Variants in COX10 observed in about 807,000 individuals in gnomAD.
COX10 encodes the protein protoheme IX farnesyltransferase, mitochondrial.
COX10 carries 27 observed loss-of-function variants against 37.3 expected under a neutral mutation model. The ratio of observed to expected loss-of-function variants is 0.72; its 90% confidence interval spans 0.53 to 1.00. COX10 has a LOEUF of 1.00. Ranked by LOEUF, COX10 falls within the 50% of genes least tolerant of loss-of-function variation. The probability of loss-of-function intolerance (pLI) is 0.00; values close to 1 mark genes in which losing one functional copy is unlikely to be tolerated. For missense variants in COX10, 475 were observed against 563.2 expected (o/e 0.84, Z 1.59); for synonymous variants, 222 against 229.1 (o/e 0.97, Z 0.28).
intron 5 of COX10, among the ~76,000 whole-genome samples, chr17:14,186,891 G>A (rs898694198): frequency 6.6e-6 from 1 of 151,942 alleles, no homozygotes; most frequent in African/African-American, 2.4e-5. Flanking sequence ...CTGAGTATAG[G>A]TCCTGTTTCC....
intron 3 of COX10, among the ~76,000 whole-genome samples, chr17:14,087,856 A>G (rs1915446225): frequency 6.6e-6 from 1 of 151,980 alleles, no homozygotes; most frequent in Admixed American, 6.6e-5. Context: ...CAGTGTGCCA[A>G]AGTATGGTGG....
intron 4 of COX10, among the ~76,000 whole-genome samples, chr17:14,105,248 T>C (rs1399948206): frequency 6.6e-6 from 1 of 152,206 alleles, no homozygotes; most frequent in African/African-American, 2.4e-5. Flanking sequence ...TACATTTTAA[T>C]GGTGAGATGA....
chr17:14,088,749 G>T (rs1409809907), intron 3 of COX10, among the ~76,000 whole-genome samples: 3 of 152,178 alleles, frequency 2.0e-5, no homozygotes, highest in Non-Finnish European at 4.4e-5. Context: ...GGATTCTGAG[G>T]TTAGGAGTCT....
intron 6 of COX10, among the ~76,000 whole-genome samples, chr17:14,199,904 A>G (rs1397861923): frequency 2.6e-5 from 4 of 152,196 alleles, no homozygotes; most frequent in African/African-American, 9.7e-5. Flanking sequence ...CCCAGTCTAC[A>G]TAACCACATA....
intron 3 of COX10, among the ~76,000 whole-genome samples, chr17:14,096,812 G>C (rs781311750): frequency 2.6e-5 from 4 of 152,086 alleles, no homozygotes; most frequent in Admixed American, 6.6e-5. Flanking sequence ...TAGTAGTCAG[G>C]ACCATCTTTA....
intron 3 of COX10, among the ~76,000 whole-genome samples, chr17:14,098,679 C>T (rs952307800): frequency 5.3e-5 from 8 of 152,134 alleles, no homozygotes; most frequent in African/African-American, 1.2e-4. Flanking sequence ...AGAGACTGTT[C>T]GTTCCCCATT....
At chr17:14,192,302 T>A in intron 6 of COX10, 81 bp downstream of exon 6, 1 of 1,613,790 alleles carries the variant, frequency 6.2e-7, no homozygotes, top group Non-Finnish European at 8.5e-7. Flanking sequence ...AGCACTTGGT[T>A]CGATTCCATT....
intron 4 of COX10, among the ~76,000 whole-genome samples, chr17:14,146,685 C>T (rs1157009508): frequency 6.6e-6 from 1 of 152,106 alleles, no homozygotes; most frequent in East Asian, 1.9e-4. Flanking sequence ...AGGAAATCAT[C>T]AACAAAGTGA....
intron 3 of COX10, among the ~76,000 whole-genome samples, chr17:14,101,738 G>T (rs72816633): frequency 0.11 from 16,660 of 152,156 alleles, 1,185 homozygotes; most frequent in Middle Eastern, 0.17. Flanking sequence ...CATATCTGCC[G>T]TCTCCCTTTC....
intron 4 of COX10, among the ~76,000 whole-genome samples, chr17:14,120,873 G>C (rs1916214442): frequency 6.6e-6 from 1 of 152,170 alleles, no homozygotes; most frequent in Non-Finnish European, 1.5e-5. Flanking sequence ...CTAAAGCTTA[G>C]ATCCCTAGAA....
intron 3 of COX10, among the ~76,000 whole-genome samples, chr17:14,088,303 G>A (rs1915455853): frequency 6.6e-6 from 1 of 152,062 alleles, no homozygotes; most frequent in Admixed American, 6.6e-5. Flanking sequence ...GCTTCTTGAG[G>A]TTTTTAGTAT....
intron 5 of COX10, among the ~76,000 whole-genome samples, chr17:14,190,513 C>A (rs1179460613): frequency 1.3e-5 from 2 of 152,192 alleles, no homozygotes; most frequent in African/African-American, 4.8e-5. Context: ...ACCTTGACAG[C>A]AACATACCCC....
At chr17:14,079,449 A>C (rs1172285366) in intron 3 of COX10, among the ~76,000 whole-genome samples, 1 of 152,194 alleles carries the variant, frequency 6.6e-6, no homozygotes, top group Non-Finnish European at 1.5e-5. Context: ...TGGGACTATG[A>C]GTAGCAATAG....
chr17:14,150,807 G>C (rs917159042), intron 4 of COX10, among the ~76,000 whole-genome samples: 2 of 152,208 alleles, frequency 1.3e-5, no homozygotes, highest in Non-Finnish European at 2.9e-5. Flanking sequence ...TGCAGTACAA[G>C]ACTGGTCCCT....
intron 6 of COX10, among the ~76,000 whole-genome samples, chr17:14,197,765 G>T (rs1054267112): frequency 1.3e-5 from 2 of 152,216 alleles, no homozygotes; most frequent in African/African-American, 4.8e-5. Context: ...GTGCTGTGCC[G>T]CAAAGCATGG....
At chr17:14,194,014 C>T (rs1252526239) in intron 6 of COX10, among the ~76,000 whole-genome samples, 2 of 152,256 alleles carry the variant, frequency 1.3e-5, no homozygotes, top group Non-Finnish European at 2.9e-5. Flanking sequence ...GGCAGGGGTG[C>T]CTGAACTCTA....
intron 4 of COX10, among the ~76,000 whole-genome samples, chr17:14,134,331 CAA>C (rs1271507701): frequency 1.3e-5 from 2 of 151,638 alleles, no homozygotes; most frequent in Non-Finnish European, 3.0e-5. Flanking sequence ...ATAAAAAATA[CAA>C]AGTTATCTTT....
intron 6 of COX10, among the ~76,000 whole-genome samples, chr17:14,200,333 C>A (rs1906510349): frequency 1.3e-5 from 2 of 152,184 alleles, no homozygotes; most frequent in African/African-American, 4.8e-5. Context: ...GATTGCGATT[C>A]TCCTCCAGTC....
At chr17:14,083,447 G>A (rs1223654150) in intron 3 of COX10, among the ~76,000 whole-genome samples, 1 of 152,204 alleles carries the variant, frequency 6.6e-6, no homozygotes, top group African/African-American at 2.4e-5. Flanking sequence ...GATAGCCGAG[G>A]CAGAAATATC....
Sources: gnomAD v4.1 joint callset for allele counts (sites outside exome capture counted in the v4.1 genomes callset) on GRCh38, gnomAD v4.1.1 for gene constraint, MANE v1.5 for transcripts, NCBI Gene and HGNC (gene_info 2026-07-23, HGNC 2026-07-21) for gene names.